CCDC171: variants seen among roughly 807,000 people sequenced by gnomAD.
The protein encoded by CCDC171 is coiled-coil domain-containing protein 171.
A neutral mutation model predicts 168.2 loss-of-function variants in CCDC171; 177 were observed. That is an observed-to-expected ratio of 1.05 (90% CI 0.93 to 1.19). The LOEUF (loss-of-function observed/expected upper bound fraction) is 1.19. CCDC171 is among the 50% of genes most tolerant of loss of function. The pLI, the probability that CCDC171 is intolerant of heterozygous loss-of-function variation, is 0.00. For synonymous variants in CCDC171, 687 were observed against 540.8 expected (o/e 1.27, Z -3.75); for missense variants, 1,991 against 1,539.0 (o/e 1.29, Z -4.91).
At chr9:16,050,498 A>G (rs1373318209) in intron 1 of CCDC171, among the ~76,000 whole-genome samples, 1 of 152,184 alleles carries the variant, frequency 6.6e-6, no homozygotes, top group Non-Finnish European at 1.5e-5. Context: ...TTATTTAATC[A>G]TGTATGACTT....
intron 6 of CCDC171, among the ~76,000 whole-genome samples, chr9:15,618,724 A>G (rs1587455772): frequency 1.3e-5 from 2 of 152,246 alleles, no homozygotes; most frequent in East Asian, 3.9e-4. Flanking sequence ...CGGGTAGCAC[A>G]GTCCCTCCCC....
chr9:16,022,199 C>G (rs1039070900), intron 4 of CCDC171: 1 of 152,180 alleles, frequency 6.6e-6, no homozygotes, highest in African/African-American at 2.4e-5. Flanking sequence ...GACATTGAAT[C>G]AAGAAAAATA....
At position 16,018,933 on chromosome 9, in the gene CCDC171, C is replaced by T. The variant is rs115688695; in HGVS notation, n.369-1656C>T. Among the ~76,000 whole-genome samples the T allele has an allele frequency of 2.7e-3, 413 of 152,276 alleles. 2 individuals are homozygous for T. Among genetic ancestry groups the T allele is most frequent in the African/African-American group, 9.3e-3 (387 of 41,550 alleles). The stretch of plus-strand genomic sequence containing the variant: ...TCCCTTTGTATTCATGCCTTTTTGC[C>T]ATTTGACTTAGCAACCAAGATTGAA... On this transcript the variant is annotated intron_variant and non_coding_transcript_variant, in intron 3 of 9. Coordinates refer to the CCDC171 transcript ENST00000486641.
At chr9:15,604,070 T>G (rs201452102) in intron 6 of CCDC171, among the ~76,000 whole-genome samples, 1 of 150,474 alleles carries the variant, frequency 6.6e-6, no homozygotes, top group Non-Finnish European at 1.5e-5. Context: ...AGTGTCTGTT[T>G]ATGTCCTTTG....
At chr9:15,869,704 G>A (rs1364072809) in intron 23 of CCDC171, among the ~76,000 whole-genome samples, 3 of 151,646 alleles carry the variant, frequency 2.0e-5, no homozygotes, top group African/African-American at 7.3e-5. Context: ...AAAGTTAGCC[G>A]TGGTCAGGAA....
intron 3 of CCDC171, among the ~76,000 whole-genome samples, chr9:15,998,109 G>T (rs575002909): frequency 3.3e-5 from 5 of 152,266 alleles, no homozygotes; most frequent in African/African-American, 1.2e-4. Context: ...GTGGGAATGG[G>T]ATACACCAAG....
intron 10 of CCDC171, among the ~76,000 whole-genome samples, chr9:15,693,329 GAAGGGCATCCTCCTA>G (rs1336155914): frequency 1.3e-5 from 2 of 152,150 alleles, no homozygotes; most frequent in Non-Finnish European, 2.9e-5. Flanking sequence ...TTTCATTGAT[GAAGGGCATCCTCCTA>G]AAGTCTGTGT....
chr9:15,644,493 C>T (rs894006328), intron 7 of CCDC171, among the ~76,000 whole-genome samples: 4 of 152,172 alleles, frequency 2.6e-5, no homozygotes, highest in South Asian at 2.1e-4. Context: ...CCTTTCCTAG[C>T]TAAGGGAAGC....
At chr9:15,747,705 T>A (rs1337931031) in intron 18 of CCDC171, among the ~76,000 whole-genome samples, 1 of 152,006 alleles carries the variant, frequency 6.6e-6, no homozygotes, top group Non-Finnish European at 1.5e-5. Flanking sequence ...AGCATCAACA[T>A]CAACAAAAAG....
intron 23 of CCDC171, among the ~76,000 whole-genome samples, chr9:15,850,911 T>C (rs569396589): frequency 1.3e-5 from 2 of 152,020 alleles, no homozygotes; most frequent in African/African-American, 4.8e-5. Flanking sequence ...CGAAGTTTAC[T>C]GTGCACCGTA....
At chr9:16,007,348 G>A (rs1229364139) in intron 3 of CCDC171, among the ~76,000 whole-genome samples, 1 of 152,144 alleles carries the variant, frequency 6.6e-6, no homozygotes, top group African/African-American at 2.4e-5. Context: ...TGTCAGATGA[G>A]TAGGTTGCAA....
chr9:15,615,280 A>G lies in CCDC171; in HGVS notation c.676-7987A>G, dbSNP rs924456279. On this transcript the variant is annotated intron_variant, in intron 6 of 25. Coordinates refer to ENST00000380701, the MANE Select transcript of CCDC171 (RefSeq NM_173550.4). Reference sequence around the variant, plus strand: ...TTAATGTAATATAACTTTTCTTCATATAGAATTTCTAAGTATCTCTACTCT... The same window carrying G: ...TTAATGTAATATAACTTTTCTTCATGTAGAATTTCTAAGTATCTCTACTCT... Among the ~76,000 whole-genome samples, 3 of 152,174 alleles carry G rather than the reference A, an allele frequency of 2.0e-5. 1 individual carries two copies. The highest frequency in any genetic ancestry group is 4.4e-5 in the Non-Finnish European group (3 of 67,996).
At chr9:15,852,344 G>A (rs1208487044) in intron 23 of CCDC171, among the ~76,000 whole-genome samples, 1 of 151,696 alleles carries the variant, frequency 6.6e-6, no homozygotes, top group African/African-American at 2.4e-5. Context: ...TGTTGAACAT[G>A]TTTTCATGTG....
chr9:15,974,500 A>G (rs1831563908), downstream of CCDC171, among the ~76,000 whole-genome samples: 1 of 152,194 alleles, frequency 6.6e-6, no homozygotes, highest in Non-Finnish European at 1.5e-5. Context: ...ACACTTCCGA[A>G]TGTGGATTTT....
intron 18 of CCDC171, among the ~76,000 whole-genome samples, chr9:15,771,024 ATAAATC>A (rs1588404526): frequency 6.6e-6 from 1 of 152,330 alleles, no homozygotes; most frequent in East Asian, 1.9e-4. Context: ...TATCAATAAA[ATAAATC>A]TATATCATTA....
chr9:15,936,372 A>T (rs1363855400), intron 25 of CCDC171, among the ~76,000 whole-genome samples: 1 of 152,010 alleles, frequency 6.6e-6, no homozygotes, highest in Non-Finnish European at 1.5e-5. Flanking sequence ...TTAAGAGTTG[A>T]CATCCTGTGT....
chr9:15,640,406 C>T (rs4740621), intron 7 of CCDC171, among the ~76,000 whole-genome samples: 60,839 of 151,828 alleles, frequency 0.4, 13,913 homozygotes, highest in East Asian at 0.76. Flanking sequence ...AAAAACACCA[C>T]CTTCAAATTA....
chr9:16,007,726 A>G (rs1371365918), intron 3 of CCDC171, among the ~76,000 whole-genome samples: 1 of 152,180 alleles, frequency 6.6e-6, no homozygotes, highest in Middle Eastern at 3.2e-3. Flanking sequence ...AGGTTTGTCA[A>G]AGATCAGCTG....
chr9:15,922,096 TG>T, intron 25 of CCDC171: 1 of 304,370 alleles, frequency 3.3e-6, no homozygotes, highest in South Asian at 3.0e-5. Context: ...TTTTCCCCTT[TG>T]AACATATCTA....
Sources: gnomAD v4.1 joint callset for allele counts (sites outside exome capture counted in the v4.1 genomes callset) on GRCh38, gnomAD v4.1.1 for gene constraint, MANE v1.5 for transcripts, NCBI Gene and HGNC (gene_info 2026-07-23, HGNC 2026-07-21) for gene names.